The following RAP1GDS1 variants were observed in gnomAD, a reference collection of about 807,000 sequenced individuals.
RAP1GDS1 encodes the protein Rap1 GTPase-GDP dissociation stimulator 1.
Under a neutral mutation model 71.1 loss-of-function variants are expected in RAP1GDS1, and 35 were observed. That is an observed-to-expected ratio of 0.49 (90% confidence interval 0.38 to 0.65). The LOEUF (loss-of-function observed/expected upper bound fraction) is 0.65. Among genes scored for constraint, RAP1GDS1 ranks in the 30% least tolerant of loss-of-function variants. The pLI is 0.00. For missense variants in RAP1GDS1, 663 were observed against 706.1 expected (o/e 0.94, Z 0.69); for synonymous variants, 229 against 243.1 (o/e 0.94, Z 0.54).
At chr4:98,331,863 G>T (rs1193325107) in intron 2 of RAP1GDS1, among the ~76,000 whole-genome samples, 1 of 152,098 alleles carries the variant, frequency 6.6e-6, no homozygotes, top group Non-Finnish European at 1.5e-5. Flanking sequence ...CAGTAGCACA[G>T]GTCACTGTGA....
At chr4:98,335,317 A>C (rs932736888) in intron 2 of RAP1GDS1, among the ~76,000 whole-genome samples, 2 of 152,202 alleles carry the variant, frequency 1.3e-5, no homozygotes, top group African/African-American at 4.8e-5. Context: ...CAGGTTGGTC[A>C]TGCAGTTGCT....
intron 2 of RAP1GDS1, among the ~76,000 whole-genome samples, chr4:98,294,538 C>G (rs1308841959): frequency 6.6e-6 from 1 of 151,738 alleles, no homozygotes; most frequent in Admixed American, 6.6e-5. Flanking sequence ...ACAAGGAGTT[C>G]AATAAGAGCA....
At position 98,392,876 on chromosome 4, in the gene RAP1GDS1, T is replaced by C. The variant is rs1428776676; in HGVS notation, c.637+796T>C. On this transcript the variant is annotated intron_variant, in intron 6 of 14. Transcript: ENST00000408927. ...GTATTAGAAAACAAAATCTGTGGAA[T>C]CCTTGAAATTCAGAAGGCAAACAAA... is the stretch of plus-strand genomic sequence containing the variant. Among the ~76,000 whole-genome samples the C allele has an allele frequency of 2.0e-5, 3 of 152,084 alleles. No homozygotes were observed. In the East Asian group the frequency reaches 5.8e-4, roughly 29 times the overall value.
intron 7 of RAP1GDS1, among the ~76,000 whole-genome samples, chr4:98,408,676 T>G (rs1483976302): frequency 6.6e-6 from 1 of 152,148 alleles, no homozygotes. Flanking sequence ...ACTCTAGTAA[T>G]ATATTAAAAA....
At chr4:98,384,456 G>A (rs1742446323) in intron 5 of RAP1GDS1, among the ~76,000 whole-genome samples, 1 of 151,734 alleles carries the variant, frequency 6.6e-6, no homozygotes, top group Middle Eastern at 3.4e-3. Flanking sequence ...CTTTCATAAA[G>A]TTCTACCACA....
chr4:98,386,736 A>G (rs1742822148), intron 5 of RAP1GDS1, among the ~76,000 whole-genome samples: 1 of 152,014 alleles, frequency 6.6e-6, no homozygotes, highest in Non-Finnish European at 1.5e-5. Flanking sequence ...CCTCAACACT[A>G]GGCTTAGAAT....
At chr4:98,335,433 C>G (rs1734578425) in intron 2 of RAP1GDS1, among the ~76,000 whole-genome samples, 1 of 151,948 alleles carries the variant, frequency 6.6e-6, no homozygotes, top group African/African-American at 2.4e-5. Context: ...AGAACACTCT[C>G]TTCATGACCT....
chr4:98,425,639 A>G (rs1749508349), intron 12 of RAP1GDS1, among the ~76,000 whole-genome samples: 1 of 152,346 alleles, frequency 6.6e-6, no homozygotes, highest in South Asian at 2.1e-4. Context: ...GAGGGACATT[A>G]TATAATGATA....
chr4:98,276,519 T>C (rs1343320842), intron 1 of RAP1GDS1, among the ~76,000 whole-genome samples: 1 of 151,964 alleles, frequency 6.6e-6, no homozygotes, highest in African/African-American at 2.4e-5. Context: ...AAAGAGAATA[T>C]TTTTTATTTC....
chr4:98,387,641 T>C (rs1215708959), intron 5 of RAP1GDS1: 2 of 324,814 alleles, frequency 6.2e-6, no homozygotes, highest in Non-Finnish European at 6.3e-6. Flanking sequence ...TTTGATATTA[T>C]GTAATTTCGT....
intron 6 of RAP1GDS1, chr4:98,397,043 T>G (rs1289291552): frequency 6.6e-6 from 1 of 152,140 alleles, no homozygotes; most frequent in East Asian, 1.9e-4. Context: ...GTTTCATAAA[T>G]TTTACAGGAT....
chr4:98,264,323 G>A (rs1722426886), intron 1 of RAP1GDS1, among the ~76,000 whole-genome samples: 1 of 152,046 alleles, frequency 6.6e-6, no homozygotes, highest in South Asian at 2.1e-4. Flanking sequence ...TTGAACCCGG[G>A]AGGCGGAGTT....
chr4:98,385,484 T>C (rs1387367507), intron 5 of RAP1GDS1, among the ~76,000 whole-genome samples: 1 of 151,840 alleles, frequency 6.6e-6, no homozygotes, highest in Non-Finnish European at 1.5e-5. Flanking sequence ...CAGATATCTG[T>C]ATTTGCGTGT....
intron 1 of RAP1GDS1, among the ~76,000 whole-genome samples, chr4:98,274,834 T>C (rs906098504): frequency 6.6e-6 from 1 of 152,154 alleles, no homozygotes; most frequent in Non-Finnish European, 1.5e-5. Context: ...TTTAGTTGAA[T>C]GTTAGTATTG....
rs572156323 is a variant in RAP1GDS1 at position 98,412,437 on chromosome 4, C to A, written c.764-4308C>A. Among the ~76,000 whole-genome samples, 175 of 152,252 alleles carry A rather than the reference C, an allele frequency of 1.1e-3. 1 individual carries two copies. The South Asian group carries it at 0.018, about 16-fold the overall frequency. On this transcript the variant is annotated intron_variant, in intron 7 of 14. Coordinates refer to ENST00000408927, the MANE Select transcript of RAP1GDS1 (RefSeq NM_001100427.2). ...GGCTGAGATAGGAGGATTGCTTGAG[C>A]CCAGGAGTTCAAGGATGCAGTGAGC...
At chr4:98,421,155 G>T in intron 11 of RAP1GDS1, 100 bp from the exon 12 acceptor site, 1 of 1,278,916 alleles carries the variant, frequency 7.8e-7, no homozygotes. Context: ...TTGTCGTGCT[G>T]TGTTTTTTTA....
chr4:98,420,358 A>G (rs546787682), intron 11 of RAP1GDS1, among the ~76,000 whole-genome samples: 81 of 149,102 alleles, frequency 5.4e-4, no homozygotes, highest in Non-Finnish European at 8.2e-4. Flanking sequence ...TTATTTATTT[A>G]TTTATTTGTT....
chr4:98,404,013 C>G (rs2110153758), intron 6 of RAP1GDS1, among the ~76,000 whole-genome samples: 1 of 152,184 alleles, frequency 6.6e-6, no homozygotes. Flanking sequence ...TGGTGAGGCT[C>G]TAGGAGAGGT....
At chr4:98,338,504 C>T (rs1002483489) in intron 2 of RAP1GDS1, among the ~76,000 whole-genome samples, 3 of 152,130 alleles carry the variant, frequency 2.0e-5, no homozygotes, top group Non-Finnish European at 2.9e-5. Context: ...GAGAAATATA[C>T]AATTCCCCAG....
Sources: allele counts gnomAD v4.1 joint callset (sites outside exome capture counted in the v4.1 genomes callset), GRCh38; gene constraint gnomAD v4.1.1; transcripts MANE v1.5; gene names NCBI Gene and HGNC (gene_info 2026-07-23, HGNC 2026-07-21).